INTS7: variants seen among roughly 807,000 people sequenced by gnomAD.
The protein encoded by INTS7 is chromosome 1 open reading frame 73.
A neutral mutation model predicts 109.2 loss-of-function variants in INTS7; 46 were observed. The ratio of observed to expected loss-of-function variants is 0.42; its 90% CI spans 0.33 to 0.54. INTS7 has a LOEUF of 0.54. INTS7 is among the 20% of genes least tolerant of loss of function. The pLI, the probability that INTS7 is intolerant of heterozygous loss-of-function variation, is 0.07. For missense variants in INTS7, 929 were observed against 1,132.4 expected, an observed-to-expected ratio of 0.82 and a Z score of 2.58; for synonymous variants, 412 against 402.9, an observed-to-expected ratio of 1.02 and a Z score of -0.27.
chr1:212,034,485 T>C (rs760695932), intron 1 of INTS7, among the ~76,000 whole-genome samples: 2 of 152,200 alleles, frequency 1.3e-5, no homozygotes, highest in Non-Finnish European at 2.9e-5. Flanking sequence ...GATTTAATTG[T>C]ATACCAGCTG....
chr1:211,993,679 C>CAAAAAAAAA (rs1333287349), intron 7 of INTS7, among the ~76,000 whole-genome samples: 6 of 54,754 alleles, frequency 1.1e-4, no homozygotes, highest in Admixed American at 2.1e-4. Flanking sequence ...GACTAAAACT[C>CAAAAAAAAA]AAAAAAAAAA....
At chr1:211,980,840 A>G (rs1422205219) in intron 10 of INTS7, among the ~76,000 whole-genome samples, 1 of 152,222 alleles carries the variant, frequency 6.6e-6, no homozygotes, top group African/African-American at 2.4e-5. Context: ...CTTATAAACT[A>G]GGGCTTATAC....
At chr1:211,974,765 G>A (rs976374911) in intron 13 of INTS7, among the ~76,000 whole-genome samples, 4 of 152,060 alleles carry the variant, frequency 2.6e-5, no homozygotes, top group Admixed American at 1.3e-4. Context: ...TAGAATCTTC[G>A]ATAATTTCTC....
intron 10 of INTS7, 151 bp from the exon 11 acceptor site, chr1:211,978,662 A>G: frequency 1.3e-6 from 1 of 794,216 alleles, no homozygotes; most frequent in Admixed American, 2.8e-5. Context: ...TGAGGTACTG[A>G]ATCTCACATT....
At chr1:211,950,141 G>C (rs1663021800) in intron 17 of INTS7, among the ~76,000 whole-genome samples, 1 of 152,202 alleles carries the variant, frequency 6.6e-6, no homozygotes, top group African/African-American at 2.4e-5. Context: ...CTTGAGGGAA[G>C]ATCCTGTGTC....
intron 11 of INTS7, 50 bp from the exon 12 acceptor site, chr1:211,976,769 T>C (rs1664439362): frequency 6.3e-7 from 1 of 1,589,646 alleles, no homozygotes; most frequent in African/African-American, 1.3e-5. Flanking sequence ...TTTTATTCAG[T>C]GTCATTGATA....
At chr1:211,999,252 T>C (rs913681686) in intron 7 of INTS7, among the ~76,000 whole-genome samples, 1 of 152,234 alleles carries the variant, frequency 6.6e-6, no homozygotes, top group African/African-American at 2.4e-5. Context: ...CAAATTGTTG[T>C]ACGCCCATGT....
intron 10 of INTS7, 148 bp downstream of exon 10, chr1:211,980,945 G>T (rs1664634334): frequency 2.1e-6 from 1 of 482,154 alleles, no homozygotes; most frequent in South Asian, 4.5e-5. Context: ...TTATCAGTTA[G>T]ATTAAATCAG....
At chr1:212,012,945 T>C (rs185010099) in intron 4 of INTS7, among the ~76,000 whole-genome samples, 34 of 152,308 alleles carry the variant, frequency 2.2e-4, no homozygotes, top group African/African-American at 7.5e-4. Flanking sequence ...GCACTGGAAG[T>C]ATATATTTAA....
chr1:211,962,604 A>T (rs1188610586), intron 16 of INTS7, among the ~76,000 whole-genome samples: 1 of 152,218 alleles, frequency 6.6e-6, no homozygotes, highest in Non-Finnish European at 1.5e-5. Context: ...CATGGCACAT[A>T]CTCTAAAATC....
In INTS7 at chr1:211,942,513, A is replaced by G. The variant is rs1662671195; in HGVS notation, c.2602-402T>C. On this transcript the variant is annotated intron_variant, in intron 19 of 19. Coordinates refer to ENST00000366994, the MANE Select transcript of INTS7 (RefSeq NM_015434.4). This position sits in a 1 kb window ranked among gnomAD's most constrained non-coding sequence, Gnocchi z 4.2. ...GACTGTGAAGAGATATTCTGAAGAA[A>G]TAGGATGAAATCACCTGTTCCAGAG... is the stretch of plus-strand genomic sequence containing the variant. Among the ~76,000 whole-genome samples, 1 of 152,256 alleles carries G rather than the reference A, an allele frequency of 6.6e-6. No individual in the cohort carries two copies. Among genetic ancestry groups the G allele is most frequent in the African/African-American group, 2.4e-5 (1 of 41,462 alleles).
At chr1:212,013,152 G>T (rs1666238473) in intron 4 of INTS7, among the ~76,000 whole-genome samples, 1 of 152,172 alleles carries the variant, frequency 6.6e-6, no homozygotes. Flanking sequence ...GAGATGTCTT[G>T]ATGTCTGACC....
chr1:211,950,362 C>T (rs1663032461), intron 17 of INTS7, among the ~76,000 whole-genome samples: 1 of 152,182 alleles, frequency 6.6e-6, no homozygotes, highest in Admixed American at 6.5e-5. Flanking sequence ...ACCTCCGCCT[C>T]CCGGGTTCAA....
At chr1:211,961,308 GA>G (rs577031177) in intron 16 of INTS7, among the ~76,000 whole-genome samples, 17 of 146,636 alleles carry the variant, frequency 1.2e-4, no homozygotes, top group African/African-American at 3.5e-4. Flanking sequence ...AATGAAAAAA[GA>G]AAAAAAAAGG....
At chr1:212,025,387 CTA>C (rs1274427849) in intron 1 of INTS7, among the ~76,000 whole-genome samples, 1 of 151,928 alleles carries the variant, frequency 6.6e-6, no homozygotes, top group Non-Finnish European at 1.5e-5. Flanking sequence ...AGGAAATATT[CTA>C]TGTCTTGACT....
intron 4 of INTS7, among the ~76,000 whole-genome samples, chr1:212,014,617 C>T (rs532306402): frequency 2.5e-4 from 37 of 151,002 alleles, no homozygotes; most frequent in Non-Finnish European, 1.0e-4. Flanking sequence ...ACTGTGCTGC[C>T]GCCATCTCGG....
chr1:212,015,159 T>TGGGAAGTGA (rs1299939525), intron 4 of INTS7, among the ~76,000 whole-genome samples: 1 of 148,246 alleles, frequency 6.7e-6, no homozygotes, highest in Non-Finnish European at 1.5e-5. Context: ...CCGGGAAGTG[T>TGGGAAGTGA]GGGAAGTGAG....
intron 5 of INTS7, among the ~76,000 whole-genome samples, chr1:212,011,119 C>A (rs1338513073): frequency 1.3e-5 from 2 of 152,114 alleles, no homozygotes; most frequent in African/African-American, 4.8e-5. Flanking sequence ...CACCATAGCA[C>A]CAGAAATGTC....
intron 3 of INTS7, among the ~76,000 whole-genome samples, chr1:212,017,517 G>A (rs1009869416): frequency 2.6e-5 from 4 of 152,186 alleles, no homozygotes; most frequent in Non-Finnish European, 4.4e-5. Context: ...GGTTGAGGAC[G>A]CCCCTGGGGC....
Sources: allele counts gnomAD v4.1 joint callset (sites outside exome capture counted in the v4.1 genomes callset), GRCh38; gene constraint gnomAD v4.1.1; non-coding constraint Gnocchi (gnomAD v3.1); transcripts MANE v1.5; gene names NCBI Gene and HGNC (gene_info 2026-07-23, HGNC 2026-07-21).